DNAH11: variants seen among roughly 807,000 people sequenced by gnomAD.
DNAH11 encodes axonemal beta dynein heavy chain 11.
A neutral mutation model predicts 526.0 loss-of-function variants in DNAH11; 442 were observed. That is an observed-to-expected ratio of 0.84 (90% confidence interval 0.78 to 0.91). DNAH11 has a LOEUF of 0.91. DNAH11 is among the 40% of genes least tolerant of loss of function. DNAH11 has a pLI of 0.00. For missense variants in DNAH11, 6,989 were observed against 5,448.7 expected (o/e 1.28, Z -8.90); for synonymous variants, 2,461 against 1,935.9 (o/e 1.27, Z -7.12).
chr7:21,852,281 C>T (rs1338293114), intron 66 of DNAH11, among the ~76,000 whole-genome samples, 186 bp from the exon 67 acceptor site: 3 of 151,812 alleles, frequency 2.0e-5, no homozygotes, highest in Admixed American at 6.6e-5. Context: ...GTGGCAGGCA[C>T]CTGTAATCTC....
At chr7:21,860,463 A>G (rs185342492) in intron 68 of DNAH11, among the ~76,000 whole-genome samples, 10 of 152,338 alleles carry the variant, frequency 6.6e-5, no homozygotes, top group Admixed American at 2.0e-4. Flanking sequence ...CAAAAGAATC[A>G]AAAGAGTGTC....
intron 28 of DNAH11, among the ~76,000 whole-genome samples, chr7:21,646,839 T>C (rs902414606): frequency 2.6e-5 from 4 of 152,134 alleles, no homozygotes; most frequent in African/African-American, 9.7e-5. Flanking sequence ...TTCCAAGTAA[T>C]TTATGCCAGG....
intron 28 of DNAH11, among the ~76,000 whole-genome samples, chr7:21,650,712 T>G (rs989492285): frequency 1.3e-5 from 2 of 151,958 alleles, no homozygotes; most frequent in Admixed American, 6.6e-5. Flanking sequence ...CAATCTCAGC[T>G]CACTGCAACC....
intron 55 of DNAH11, 142 bp from the exon 56 acceptor site, chr7:21,773,624 A>C: frequency 3.1e-6 from 2 of 643,120 alleles, no homozygotes; most frequent in Non-Finnish European, 5.1e-6. Flanking sequence ...ATAGCGCTTA[A>C]AGATTAAATA....
chr7:21,603,113 G>T (rs1470890817), intron 18 of DNAH11, among the ~76,000 whole-genome samples: 1 of 151,982 alleles, frequency 6.6e-6, no homozygotes, highest in Non-Finnish European at 1.5e-5. Context: ...TGCCTTTATG[G>T]GTTCACTTAC....
chr7:21,600,051 T>G lies in DNAH11; in HGVS notation c.2932T>G (p.Cys978Gly), dbSNP rs886062174. Reference protein sequence around the residue: ...GFYDLVEEMLCNSFRMSAQMN... With the variant: ...GFYDLVEEMLGNSFRMSAQMN... ...CTATGATCTTGTAGAAGAAATGTTA[T>G]GCAATAGTTTTAGAATGTCTGCCCA... The change falls in exon 15 of 82, where the codon TGC becomes GGC. Residue 978 changes from cysteine (C) to glycine (G), a missense_variant. By Grantham distance (159) the Cys-to-Gly change is radical. Transcript: ENST00000409508. 4 of 1,609,210 alleles carry G rather than the reference T, an allele frequency of 2.5e-6. No homozygotes were observed. In the South Asian group the frequency reaches 4.4e-5, roughly 18 times the overall value.
chr7:21,712,064 C>A (rs919676521), intron 42 of DNAH11, among the ~76,000 whole-genome samples: 1 of 152,162 alleles, frequency 6.6e-6, no homozygotes, highest in Non-Finnish European at 1.5e-5. Context: ...CTCTTGGCAA[C>A]CTTCATTCTA....
chr7:21,768,709 A>G (rs375221412), intron 55 of DNAH11, among the ~76,000 whole-genome samples: 69 of 152,296 alleles, frequency 4.5e-4, no homozygotes, highest in African/African-American at 1.6e-3. Context: ...ATATTTTACT[A>G]CTGTTTTCCA....
At chr7:21,742,243 T>A (rs1785940245) in intron 49 of DNAH11, 77 bp downstream of exon 49, 1 of 1,489,592 alleles carries the variant, frequency 6.7e-7, no homozygotes, top group Non-Finnish European at 9.1e-7. Flanking sequence ...ATTTTTTATG[T>A]CACTATAGAG....
chr7:21,708,458 C>T (rs549410658), intron 40 of DNAH11, among the ~76,000 whole-genome samples: 2 of 152,340 alleles, frequency 1.3e-5, no homozygotes, highest in East Asian at 3.9e-4. Flanking sequence ...GCCTGTACTA[C>T]AGCAGCGTGT....
rs1321488386 is a variant in DNAH11, at chr7:21,558,828, G to T, written c.522G>T (p.Lys174Asn). The T allele has an allele frequency of 5.0e-6, 8 of 1,590,780 alleles. No homozygotes were observed. Among genetic ancestry groups the T allele is most frequent in the African/African-American group, 1.4e-5 (1 of 73,550 alleles). Residue 174 changes from lysine (K) to asparagine (N), a missense_variant, in exon 3 of 82, where the codon AAG becomes AAT. By Grantham distance (94) the Lys-to-Asn change is moderately conservative (BLOSUM62 0). Coordinates refer to ENST00000409508, the MANE Select transcript of DNAH11 (RefSeq NM_001277115.2). ...TTTTAGTGCCAGTTCTTTCTAATAA[G>T]AACAACCATAAGTCCTGGTCCTGTT... ...DEILVPVLSN[K>N]NNHKSWSCFT...
At chr7:21,865,682 C>G (rs1337997352) in intron 70 of DNAH11, among the ~76,000 whole-genome samples, 1 of 152,138 alleles carries the variant, frequency 6.6e-6, no homozygotes, top group Non-Finnish European at 1.5e-5. Context: ...GGTCCTGATC[C>G]AGACCCCAAG....
At chr7:21,641,944 A>G (rs1787149243) in intron 28 of DNAH11, among the ~76,000 whole-genome samples, 1 of 152,212 alleles carries the variant, frequency 6.6e-6, no homozygotes, top group African/African-American at 2.4e-5. Flanking sequence ...TTAAAATCAT[A>G]GCGTAGAGCT....
intron 6 of DNAH11, 94 bp downstream of exon 6, chr7:21,564,491 C>A: frequency 1.2e-6 from 1 of 813,780 alleles, no homozygotes; most frequent in Non-Finnish European, 1.8e-6. Context: ...ACAGTAAGAA[C>A]ACCATCTTTC....
At position 21,707,649 on chromosome 7, in the gene DNAH11, T is replaced by C. The variant is rs147107088; in HGVS notation, c.6547-50T>C. 363 of 1,579,402 alleles carry C rather than the reference T, an allele frequency of 2.3e-4. 5 individuals carry two copies. The East Asian group carries it at 6.7e-3, about 29-fold the overall frequency. ...TCTTCAGAAATCTTTTACTTTCCAT[T>C]TGGCTTATGTTAGTATTAATTTTTT... is the stretch of plus-strand genomic sequence containing the variant. On this transcript the variant is annotated intron_variant, in intron 39 of 81. Transcript: ENST00000409508.
rs143432969 is a variant in DNAH11 at position 21,617,541 on chromosome 7, T to C, written c.4096-78T>C. 480 of 1,497,510 alleles carry C rather than the reference T, an allele frequency of 3.2e-4. 6 individuals are homozygous for C. In the East Asian group the frequency reaches 9.4e-3, roughly 29 times the overall value. The allele number at this position is 1,497,510 out of a possible 1,614,324, so 92.8% of individuals were successfully genotyped here. A position where few individuals can be genotyped will look rare whatever the true frequency, so the allele number is the denominator to read the frequency against. ...TTTCTAATCCAGGAGTTGGGAAATA[T>C]ATGTCAAAGGAGGCAAATTATTAAT... On this transcript the variant is annotated intron_variant, in intron 22 of 81. Transcript: ENST00000409508.
chr7:21,662,438 GA>G (rs746833573), intron 30 of DNAH11, among the ~76,000 whole-genome samples: 8 of 151,944 alleles, frequency 5.3e-5, no homozygotes, highest in Non-Finnish European at 7.4e-5. Context: ...GGAAGTTGCA[GA>G]TACCATAATC....
chr7:21,684,032 A>G (rs1783260770), intron 32 of DNAH11, 88 bp downstream of exon 32: 3 of 1,353,360 alleles, frequency 2.2e-6, no homozygotes, highest in Non-Finnish European at 3.1e-6. Flanking sequence ...ATGAGAGGAA[A>G]CGATGAACAA....
intron 78 of DNAH11, 24 bp downstream of exon 78, chr7:21,894,829 T>C: frequency 6.2e-7 from 1 of 1,610,908 alleles, no homozygotes; most frequent in Non-Finnish European, 8.5e-7. Context: ...GAGGCTATAG[T>C]AGACTTCAGC....
Sources: gnomAD v4.1 joint callset for allele counts (sites outside exome capture counted in the v4.1 genomes callset) on GRCh38, gnomAD v4.1.1 for gene constraint, MANE v1.5 for transcripts, NCBI Gene and HGNC (gene_info 2026-07-23, HGNC 2026-07-21) for gene names.